The following PDZD2 variants were observed in gnomAD, a reference collection of about 807,000 sequenced individuals.
PDZD2 encodes PDZ domain-containing protein 2.
In PDZD2, 90 loss-of-function variants were observed where a neutral mutation model predicts 220.7. The ratio of observed to expected loss-of-function variants is 0.41; its 90% CI spans 0.34 to 0.49. PDZD2 has a LOEUF of 0.49. Ranked by LOEUF, PDZD2 falls within the 20% of genes least tolerant of loss-of-function variation. The pLI is 0.28. For missense variants in PDZD2, 3,174 were observed against 3,608.5 expected, an observed-to-expected ratio of 0.88 and a Z score of 3.08; for synonymous variants, 1,375 against 1,450.5, an observed-to-expected ratio of 0.95 and a Z score of 1.18.
intron 1 of PDZD2, among the ~76,000 whole-genome samples, chr5:31,741,345 C>G (rs13178958): frequency 6.7e-6 from 1 of 150,270 alleles, no homozygotes. Flanking sequence ...AAAATTGATT[C>G]AGTTTAAAGC....
intron 1 of PDZD2, among the ~76,000 whole-genome samples, chr5:31,687,871 C>T (rs1408463444): frequency 6.6e-6 from 1 of 152,128 alleles, no homozygotes; most frequent in Non-Finnish European, 1.5e-5. Context: ...CCTCATTTAA[C>T]CTTAATCACC....
intron 5 of PDZD2, among the ~76,000 whole-genome samples, chr5:32,005,075 AAGAT>A (rs1752694075): frequency 6.6e-6 from 1 of 152,208 alleles, no homozygotes; most frequent in Non-Finnish European, 1.5e-5. Context: ...TAGGAGAAAA[AAGAT>A]AGCAGCCTTC....
At chr5:32,014,470 C>T (rs1166121219) in intron 6 of PDZD2, among the ~76,000 whole-genome samples, 1 of 152,030 alleles carries the variant, frequency 6.6e-6, no homozygotes, top group African/African-American at 2.4e-5. Flanking sequence ...GGTGAAACCC[C>T]ACAATCATTT....
At chr5:31,975,793 C>CGTTTT (rs1749696297) in intron 2 of PDZD2, among the ~76,000 whole-genome samples, 1 of 55,182 alleles carries the variant, frequency 1.8e-5, no homozygotes, top group African/African-American at 8.5e-5. Context: ...GTATCAGTCA[C>CGTTTT]TTTTTTTTTA....
chr5:31,886,391 A>G (rs892572992), intron 2 of PDZD2, among the ~76,000 whole-genome samples: 1 of 151,154 alleles, frequency 6.6e-6, no homozygotes, highest in African/African-American at 2.4e-5. Flanking sequence ...CTTCCCTGCC[A>G]CTCCTTCTTC....
intron 1 of PDZD2, among the ~76,000 whole-genome samples, chr5:31,685,439 C>A (rs1292761957): frequency 6.6e-6 from 1 of 152,104 alleles, no homozygotes; most frequent in African/African-American, 2.4e-5. Context: ...GTAAAATGAA[C>A]CTTCTTGTAT....
rs1744284607 is a variant in PDZD2 at position 32,101,884 on chromosome 5, TTGTA to T, written c.8353+648_8353+651del. On this transcript the variant is annotated intron_variant, in intron 24 of 24. Coordinates refer to ENST00000438447, the MANE Select transcript of PDZD2 (RefSeq NM_178140.4). ...TGTACTAATAATATTAACAGTATAATTGTATGAACAATATTGATATGTAATTATA... is the reference window on the plus strand; with the variant it reads ...TGTACTAATAATATTAACAGTATAATTGAACAATATTGATATGTAATTATA... Among the ~76,000 whole-genome samples the T allele has an allele frequency of 2.6e-5, 4 of 152,356 alleles. No homozygotes were observed. In the South Asian group the frequency reaches 8.3e-4, roughly 32 times the overall value.
intron 2 of PDZD2, among the ~76,000 whole-genome samples, chr5:31,807,167 C>T (rs1377594645): frequency 6.6e-6 from 1 of 152,114 alleles, no homozygotes; most frequent in Non-Finnish European, 1.5e-5. Context: ...AACCTCTGAC[C>T]TCAGGTGATC....
At chr5:32,030,743 G>A (rs947499524) in intron 6 of PDZD2, among the ~76,000 whole-genome samples, 46 of 152,166 alleles carry the variant, frequency 3.0e-4, no homozygotes, top group Admixed American at 2.0e-3. Context: ...CTGGCTCTGC[G>A]TTAGCTAATT....
intron 11 of PDZD2, 43 bp from the exon 12 acceptor site, chr5:32,057,835 C>G: frequency 7.1e-7 from 1 of 1,403,626 alleles, no homozygotes; most frequent in Non-Finnish European, 1.0e-6. Flanking sequence ...GATATAAGGA[C>G]ATTCCAAATG....
At chr5:31,662,754 C>T (rs28729227) in intron 1 of PDZD2, among the ~76,000 whole-genome samples, 56,850 of 152,138 alleles carry the variant, frequency 0.37, 12,265 homozygotes, top group African/African-American at 0.6. Flanking sequence ...CTCAGCCTCC[C>T]GGGTAGCTGG....
chr5:31,759,093 C>G (rs1042143055), intron 1 of PDZD2, among the ~76,000 whole-genome samples: 4 of 152,080 alleles, frequency 2.6e-5, no homozygotes, highest in African/African-American at 4.8e-5. Flanking sequence ...TGAGCTCCCC[C>G]ACGCCAGCAC....
intron 1 of PDZD2, among the ~76,000 whole-genome samples, chr5:31,797,029 G>A (rs1320080338): frequency 2.7e-5 from 4 of 147,420 alleles, no homozygotes; most frequent in African/African-American, 5.0e-5. Flanking sequence ...CCGGGTTCAC[G>A]CCATTCTCCT....
At chr5:31,770,250 T>A (rs1752259706) in intron 1 of PDZD2, among the ~76,000 whole-genome samples, 1 of 152,178 alleles carries the variant, frequency 6.6e-6, no homozygotes, top group South Asian at 2.1e-4. Context: ...TTTTGAGATC[T>A]GACACCATCC....
chr5:32,081,062 T>C (rs1271163869), intron 19 of PDZD2, among the ~76,000 whole-genome samples: 1 of 150,670 alleles, frequency 6.6e-6, no homozygotes, highest in Non-Finnish European at 1.5e-5. Flanking sequence ...ATCCTGCACA[T>C]GTATCCCAGA....
intron 1 of PDZD2, among the ~76,000 whole-genome samples, chr5:31,661,733 A>G (rs1299229263): frequency 1.3e-5 from 2 of 151,798 alleles, no homozygotes; most frequent in Non-Finnish European, 2.9e-5. Flanking sequence ...AATGAAATCC[A>G]GCAATAATCC....
chr5:31,657,493 C>T (rs1318963746), intron 1 of PDZD2: 1 of 152,190 alleles, frequency 6.6e-6, no homozygotes, highest in Non-Finnish European at 1.5e-5. Context: ...TGACCCAGAT[C>T]TGGGAAACAC....
Position 31,758,913 on chromosome 5 carries a change from G to A in PDZD2, c.-360-39976G>A, listed in dbSNP as rs137863741. On this transcript the variant is annotated intron_variant, in intron 1 of 24. Transcript: ENST00000438447. ...GAAAGCATCCTGCTGTTCCGCACCCGCCTCCACATGCGTTCCCTGGCTACA... is the reference window on the plus strand; with the variant it reads ...GAAAGCATCCTGCTGTTCCGCACCCACCTCCACATGCGTTCCCTGGCTACA... Among the ~76,000 whole-genome samples the A allele has an allele frequency of 4.3e-3, 647 of 152,176 alleles. 5 individuals carry two copies. Among genetic ancestry groups the A allele is most frequent in the Non-Finnish European group, 6.5e-3 (440 of 68,000 alleles).
rs138570758 is a variant in PDZD2 at position 32,074,399 on chromosome 5, C to T, written c.3293C>T (p.Pro1098Leu). Residue 1098 changes from proline to leucine, a missense_variant, in exon 18 of 25, where the codon CCG (proline) becomes CTG (leucine). Coordinates refer to ENST00000438447, the MANE Select transcript of PDZD2 (RefSeq NM_178140.4). Reference sequence around the variant, plus strand: ...ACAGTCCGTACAGACACCCAGAGTCCGACGAACACTGGGAGCCCCAGTTCC... The same window carrying T: ...ACAGTCCGTACAGACACCCAGAGTCTGACGAACACTGGGAGCCCCAGTTCC... ...EYTVRTDTQS[P>L]TNTGSPSSPQ... The T allele has an allele frequency of 8.7e-6, 14 of 1,614,134 alleles. No homozygotes were observed. The highest frequency in any genetic ancestry group is 2.7e-5 in the African/African-American group (2 of 75,038).
Sources: gnomAD v4.1 joint callset for allele counts (sites outside exome capture counted in the v4.1 genomes callset) on GRCh38, gnomAD v4.1.1 for gene constraint, MANE v1.5 for transcripts, NCBI Gene and HGNC (gene_info 2026-07-23, HGNC 2026-07-21) for gene names.